The following PRKAA2 variants were observed in gnomAD, a reference collection of about 807,000 sequenced individuals.
The protein encoded by PRKAA2 is 5'-AMP-activated protein kinase catalytic subunit alpha-2.
In PRKAA2, 40 loss-of-function variants were observed where a neutral mutation model predicts 56.3. The ratio of observed to expected loss-of-function variants is 0.71; its 90% CI spans 0.55 to 0.92. PRKAA2 has a LOEUF of 0.92. Ranked by LOEUF, PRKAA2 falls within the 40% of genes least tolerant of loss-of-function variation. PRKAA2 has a pLI of 0.00. For missense variants in PRKAA2, 542 were observed against 686.9 expected, an observed-to-expected ratio of 0.79 and a Z score of 2.36; for synonymous variants, 214 against 234.2, an observed-to-expected ratio of 0.91 and a Z score of 0.79.
intron 1 of PRKAA2, among the ~76,000 whole-genome samples, chr1:56,656,206 G>C (rs1315060852): frequency 6.6e-6 from 1 of 152,100 alleles, no homozygotes; most frequent in African/African-American, 2.4e-5. Context: ...CAGACTGAAA[G>C]ATAGACAAAA....
intron 2 of PRKAA2, among the ~76,000 whole-genome samples, chr1:56,687,976 C>CA (rs1422699820): frequency 6.6e-6 from 1 of 152,080 alleles, no homozygotes; most frequent in African/African-American, 2.4e-5. Context: ...TTTTAAACTA[C>CA]ATTAGTTTAT....
intron 2 of PRKAA2, among the ~76,000 whole-genome samples, chr1:56,675,030 C>A (rs1644103475): frequency 6.6e-6 from 1 of 151,810 alleles, no homozygotes; most frequent in Non-Finnish European, 1.5e-5. Context: ...TTTAGGAAGG[C>A]AAATGTGTTT....
At position 56,697,012 on chromosome 1, in the gene PRKAA2, A is replaced by AT. The variant is rs752842791; in HGVS notation, c.788+868dup. 2.2e-4 allele frequency among the ~76,000 whole-genome samples: 13 copies of AT among 57,888 alleles called. 2 individuals carry two copies. Among genetic ancestry groups the AT allele is most frequent in the Non-Finnish European group, 3.0e-4 (10 of 33,008 alleles). 38.0% of individuals were successfully genotyped at this position (57,888 alleles called of 152,430 possible). A position where few individuals can be genotyped will look rare whatever the true frequency, so the allele number is the denominator to read the frequency against. On this transcript the variant is annotated intron_variant, in intron 6 of 8. Coordinates refer to ENST00000371244, the MANE Select transcript of PRKAA2 (RefSeq NM_006252.4). ...CCTTTTCATCATTAGCCAGCAAAGA[A>AT]TTTTTTTTTTTTTTTAAGGCAGGGT...
intron 1 of PRKAA2, among the ~76,000 whole-genome samples, chr1:56,657,842 A>C (rs1643958306): frequency 6.6e-6 from 1 of 152,214 alleles, no homozygotes; most frequent in African/African-American, 2.4e-5. Context: ...GGAACACCAA[A>C]GGCAATTTTT....
chr1:56,695,166 C>CTCTATATATGATATATTATA (rs1557559857), intron 5 of PRKAA2, among the ~76,000 whole-genome samples: 1 of 142,652 alleles, frequency 7.0e-6, no homozygotes. Context: ...ATCTCTCTCT[C>CTCTATATATGATATATTATA]TATATATATG....
In PRKAA2 at chr1:56,713,816, T is replaced by C. The variant is rs1644385607; in HGVS notation, c.*6103T>C. 1 of 146,236 alleles carries C rather than the reference T, an allele frequency of 6.8e-6. No individual in the cohort carries two copies. Among genetic ancestry groups the C allele is most frequent in the African/African-American group, 2.6e-5 (1 of 39,124 alleles). The allele number at this position is 146,236 out of a possible 1,614,324, so 9.1% of individuals were successfully genotyped here. A position where few individuals can be genotyped will look rare whatever the true frequency, so the allele number is the denominator to read the frequency against. On this transcript the variant is annotated 3_prime_UTR_variant, in exon 9 of 9. Coordinates refer to ENST00000371244, the MANE Select transcript of PRKAA2 (RefSeq NM_006252.4). ...TGGCCATTTTTCTAGACAGATAACA[T>C]TTTCCTAAAGTGGAAGAGAGATCCA...
At chr1:56,705,972 A>G (rs1644329058) in intron 7 of PRKAA2, 120 bp from the exon 8 acceptor site, 1 of 811,440 alleles carries the variant, frequency 1.2e-6, no homozygotes, top group Admixed American at 2.8e-5. Flanking sequence ...TACCAGTAAT[A>G]TAAAAAAATT....
At chr1:56,691,086 C>T (rs1644226082) in intron 2 of PRKAA2, among the ~76,000 whole-genome samples, 1 of 152,118 alleles carries the variant, frequency 6.6e-6, no homozygotes, top group Non-Finnish European at 1.5e-5. Flanking sequence ...TGTGATACCT[C>T]ATCTCCTTTT....
At chr1:56,695,197 T>TATATG (rs1644251281) in intron 5 of PRKAA2, among the ~76,000 whole-genome samples, 2 of 147,656 alleles carry the variant, frequency 1.4e-5, no homozygotes, top group African/African-American at 5.0e-5. Context: ...TATATATATA[T>TATATG]ATATATTTTT....
At chr1:56,657,425 C>A (rs928964026) in intron 1 of PRKAA2, among the ~76,000 whole-genome samples, 1 of 152,202 alleles carries the variant, frequency 6.6e-6, no homozygotes, top group African/African-American at 2.4e-5. Context: ...TGCCTGTAAT[C>A]CCAGCACTTT....
In PRKAA2 at chr1:56,707,843, A is replaced by G. The variant is rs538319874; in HGVS notation, c.*130A>G. On this transcript the variant is annotated 3_prime_UTR_variant, in exon 9 of 9. Transcript: ENST00000371244. ...CATGAATTATTTCCAGGGGCACACA[A>G]TGCTATTGAAATTACTGAAAACAAA... The G allele has an allele frequency of 2.0e-5, 17 of 866,920 alleles. No homozygotes were observed. Among genetic ancestry groups the G allele is most frequent in the South Asian group, 3.4e-5 (2 of 58,082 alleles). The allele number at this position is 866,920 out of a possible 1,614,324, so 53.7% of individuals were successfully genotyped here.
intron 6 of PRKAA2, among the ~76,000 whole-genome samples, chr1:56,703,353 A>G (rs1644308920): frequency 6.6e-6 from 1 of 152,228 alleles, no homozygotes. Context: ...TACATCTTTC[A>G]TGAAAAATAA....
chr1:56,690,610 A>G lies in PRKAA2; in HGVS notation c.237-784A>G, dbSNP rs550293741. On this transcript the variant is annotated intron_variant, in intron 2 of 8. Transcript: ENST00000371244. The stretch of plus-strand genomic sequence containing the variant: ...TAAGTCTATACAGCATAATTGGTCA[A>G]TATGTCTCTTAAGTTACTTTTAACG... Among the ~76,000 whole-genome samples, 97 of 152,324 alleles carry G rather than the reference A, an allele frequency of 6.4e-4. 1 individual carries two copies. Among genetic ancestry groups the G allele is most frequent in the African/African-American group, 2.1e-3 (86 of 41,572 alleles).
rs1338639598 is a variant in PRKAA2 at position 56,707,598 on chromosome 1, C to G, written c.1544C>G (p.Ser515Cys). ...TTAESHSLSG[S>C]LTGSLTGSTL... is the part of the protein sequence containing the mutation. Reference sequence around the variant, plus strand: ...GCAGAGAGCCATTCACTTTCTGGCTCTCTCACTGGCTCTTTGACCGGAAGC... The same window carrying G: ...GCAGAGAGCCATTCACTTTCTGGCTGTCTCACTGGCTCTTTGACCGGAAGC... Residue 515 changes from serine to cysteine, a missense_variant, in exon 9 of 9, where the codon TCT (serine) becomes TGT (cysteine). Transcript: ENST00000371244. The G allele has an allele frequency of 6.2e-7, 1 of 1,614,026 alleles. No individual in the cohort carries two copies. The highest frequency in any genetic ancestry group is 8.5e-7 in the Non-Finnish European group (1 of 1,179,956).
intron 2 of PRKAA2, among the ~76,000 whole-genome samples, chr1:56,680,387 C>A (rs1234240656): frequency 6.6e-6 from 1 of 151,508 alleles, no homozygotes; most frequent in Non-Finnish European, 1.5e-5. Flanking sequence ...ACTTTAAGTT[C>A]TAGGGCACAT....
In PRKAA2 at chr1:56,708,163, A is replaced by G; in HGVS notation, c.*450A>G. On this transcript the variant is annotated 3_prime_UTR_variant, in exon 9 of 9. Transcript: ENST00000371244. ...TTATTTTAACAAAAGAAGATTAAAA[A>G]GTAAAAGAACCACGAGTAAGATATT... The G allele has an allele frequency of 6.2e-6, 1 of 161,104 alleles. No homozygotes were observed. The highest frequency in any genetic ancestry group is 1.6e-4 in the South Asian group (1 of 6,062). The allele number at this position is 161,104 out of a possible 1,614,324, so 10.0% of individuals were successfully genotyped here. A position where few individuals can be genotyped will look rare whatever the true frequency, so the allele number is the denominator to read the frequency against.
intron 5 of PRKAA2, among the ~76,000 whole-genome samples, chr1:56,695,166 C>A (rs857157): frequency 0.19 from 26,647 of 142,522 alleles, 2,639 homozygotes; most frequent in South Asian, 0.36. Flanking sequence ...ATCTCTCTCT[C>A]TATATATATG....
At chr1:56,701,668 G>A (rs139445330) in intron 6 of PRKAA2, among the ~76,000 whole-genome samples, 75 of 152,168 alleles carry the variant, frequency 4.9e-4, no homozygotes, top group African/African-American at 1.5e-3. Flanking sequence ...AGGCCGAGGC[G>A]GGTGGATCAC....
At chr1:56,657,174 G>GA (rs1008732884) in intron 1 of PRKAA2, among the ~76,000 whole-genome samples, 9 of 151,810 alleles carry the variant, frequency 5.9e-5, no homozygotes, top group African/African-American at 2.2e-4. Flanking sequence ...GCAGAAATGG[G>GA]AAAAAAATGT....
Sources: allele counts gnomAD v4.1 joint callset (sites outside exome capture counted in the v4.1 genomes callset), GRCh38; gene constraint gnomAD v4.1.1; transcripts MANE v1.5; gene names NCBI Gene and HGNC (gene_info 2026-07-23, HGNC 2026-07-21).